The following MTREX variants were observed in gnomAD, a reference collection of about 807,000 sequenced individuals.
The protein encoded by MTREX is Mtr4 exosome RNA helicase.
A neutral mutation model predicts 135.4 loss-of-function variants in MTREX; 76 were observed. The ratio of observed to expected loss-of-function variants is 0.56; its 90% CI spans 0.47 to 0.68. MTREX has a LOEUF of 0.68. Among genes scored for constraint, MTREX ranks in the 30% least tolerant of loss-of-function variants. The pLI, the probability that MTREX is intolerant of heterozygous loss-of-function variation, is 0.00. For synonymous variants in MTREX, 404 were observed against 401.6 expected (o/e 1.01, Z -0.07); for missense variants, 920 against 1,262.1 (o/e 0.73, Z 4.11).
intron 20 of MTREX, among the ~76,000 whole-genome samples, chr5:55,397,739 AAAGGAGGACTCAC>A (rs1750668518): frequency 6.6e-6 from 1 of 152,224 alleles, no homozygotes; most frequent in African/African-American, 2.4e-5. Flanking sequence ...GTGAGTTAGT[AAAGGAGGACTCAC>A]AAGGAAAACC....
intron 23 of MTREX, among the ~76,000 whole-genome samples, chr5:55,413,772 T>C (rs1020932927): frequency 2.0e-5 from 3 of 152,214 alleles, no homozygotes; most frequent in Admixed American, 6.5e-5. Context: ...GTTTCAAACT[T>C]TTCAGTTTCT....
chr5:55,403,319 G>A (rs1450026129), intron 21 of MTREX, among the ~76,000 whole-genome samples: 1 of 151,966 alleles, frequency 6.6e-6, no homozygotes, highest in Non-Finnish European at 1.5e-5. Context: ...GGATATGTAG[G>A]GCCAACTGTA....
In MTREX at chr5:55,385,829, A is replaced by G. The variant is rs1419967152; in HGVS notation, c.2053-2145A>G. ...CACACACAAAAGACATATTTTTAAA[A>G]AATTACTTGCCTCTTTTGATCCTAA... On this transcript the variant is annotated intron_variant, in intron 18 of 26. Coordinates refer to ENST00000230640, the MANE Select transcript of MTREX (RefSeq NM_015360.5). Among the ~76,000 whole-genome samples, 3 of 152,204 alleles carry G rather than the reference A, an allele frequency of 2.0e-5. No individual in the cohort carries two copies. In the East Asian group the frequency reaches 5.8e-4, roughly 29 times the overall value.
Position 55,422,981 on chromosome 5 carries a change from A to G in MTREX, c.3075A>G (p.Glu1025=). 1 of 1,611,728 alleles carries G rather than the reference A, an allele frequency of 6.2e-7. No homozygotes were observed. The highest frequency in any genetic ancestry group is 8.5e-7 in the Non-Finnish European group (1 of 1,178,202). ...GNTELENKFA[E]GITKIKRDIV... ...CTGAGCTGGAAAATAAATTTGCAGA[A>G]GGTCAGTATCAAATGGATAAGCTGT... Residue 1025 remains glutamate (E), a splice_region_variant and synonymous_variant, in exon 26 of 27, where the codon GAA becomes GAG. Transcript: ENST00000230640.
intron 25 of MTREX, among the ~76,000 whole-genome samples, chr5:55,419,019 A>T (rs1751015417): frequency 6.6e-6 from 1 of 151,932 alleles, no homozygotes; most frequent in African/African-American, 2.4e-5. Flanking sequence ...AATTTTTGTT[A>T]ATTTTTGTAG....
intron 19 of MTREX, among the ~76,000 whole-genome samples, chr5:55,395,047 T>C (rs1579891207): frequency 7.2e-6 from 1 of 138,818 alleles, no homozygotes; most frequent in South Asian, 2.3e-4. Flanking sequence ...AAAAAAAAGA[T>C]AGTAAAGGAT....
intron 5 of MTREX, chr5:55,329,413 A>G (rs142116915): frequency 3.9e-5 from 6 of 152,058 alleles, no homozygotes; most frequent in East Asian, 3.9e-4. Context: ...GGCTCAAGCA[A>G]TCGTCCCACC....
At chr5:55,361,016 T>C (rs573906116) in intron 15 of MTREX, among the ~76,000 whole-genome samples, 2 of 152,368 alleles carry the variant, frequency 1.3e-5, no homozygotes, top group South Asian at 2.1e-4. Context: ...GAGTTTATGC[T>C]TCTAACTACT....
chr5:55,393,057 C>T (rs1750595411), intron 19 of MTREX, among the ~76,000 whole-genome samples: 1 of 152,154 alleles, frequency 6.6e-6, no homozygotes, highest in Admixed American at 6.5e-5. Flanking sequence ...GGTTCCAGCC[C>T]TATTCTCTCC....
chr5:55,398,750 CT>C (rs1457013911), intron 20 of MTREX, among the ~76,000 whole-genome samples: 1 of 152,126 alleles, frequency 6.6e-6, no homozygotes, highest in Non-Finnish European at 1.5e-5. Context: ...AAATGTCAGG[CT>C]TGTCTGTATT....
chr5:55,333,567 A>G (rs529206231), intron 5 of MTREX, among the ~76,000 whole-genome samples: 1 of 152,294 alleles, frequency 6.6e-6, no homozygotes, highest in South Asian at 2.1e-4. Context: ...TCATATAGAT[A>G]TGCTGAAACC....
chr5:55,375,531 T>C (rs1750282702), intron 16 of MTREX, among the ~76,000 whole-genome samples: 1 of 152,206 alleles, frequency 6.6e-6, no homozygotes, highest in Admixed American at 6.5e-5. Flanking sequence ...TCTTATTCCC[T>C]GAACAATTGC....
chr5:55,344,520 A>G lies in MTREX; in HGVS notation c.907-2A>G. The stretch of plus-strand genomic sequence containing the variant: ...TGTATGTTTAATTCTTTCTTTTTAC[A>G]GCCTTGTCATGTTATTTACACAGAT... On this transcript the variant is annotated splice_acceptor_variant, in intron 8 of 26. Transcript: ENST00000230640. LOFTEE classifies it high-confidence loss of function. The G allele has an allele frequency of 1.3e-6, 2 of 1,594,208 alleles. No individual in the cohort carries two copies. The highest frequency in any genetic ancestry group is 1.7e-6 in the Non-Finnish European group (2 of 1,163,044).
At chr5:55,358,745 T>C (rs188934116) in intron 15 of MTREX, 47 bp downstream of exon 15, 17 of 1,499,862 alleles carry the variant, frequency 1.1e-5, no homozygotes, top group East Asian at 2.4e-5. Context: ...TCCAGAAATA[T>C]ACTTCAGGAG....
Position 55,358,520 on chromosome 5 carries a change from T to C in MTREX, c.1534-53T>C, listed in dbSNP as rs541271322. The C allele has an allele frequency of 1.6e-5, 23 of 1,444,046 alleles. No individual in the cohort carries two copies. The African/African-American group carries it at 2.5e-4, about 15-fold the overall frequency. The allele number at this position is 1,444,046 out of a possible 1,614,324, so 89.5% of individuals were successfully genotyped here. On this transcript the variant is annotated intron_variant, in intron 14 of 26. Transcript: ENST00000230640. The stretch of plus-strand genomic sequence containing the variant: ...TATAAAAAGAGAAATTTTAAGAATA[T>C]GTTTTTTACCAGTTTTTTTCCTAAA...
intron 3 of MTREX, among the ~76,000 whole-genome samples, chr5:55,326,866 A>G (rs886827350): frequency 6.6e-6 from 1 of 151,582 alleles, no homozygotes; most frequent in African/African-American, 2.4e-5. Flanking sequence ...ACCTCTCTAC[A>G]GGCCCCGGTT....
intron 15 of MTREX, among the ~76,000 whole-genome samples, chr5:55,359,466 G>A (rs960292583): frequency 3.3e-5 from 5 of 152,112 alleles, no homozygotes; most frequent in African/African-American, 1.2e-4. Flanking sequence ...TTTAGACTTG[G>A]GAACTTTGTG....
At chr5:55,321,831 A>C (rs1184653237) in intron 1 of MTREX, among the ~76,000 whole-genome samples, 1 of 151,632 alleles carries the variant, frequency 6.6e-6, no homozygotes, top group Non-Finnish European at 1.5e-5. Flanking sequence ...CTGGTCTCTA[A>C]CTCCCGACCT....
intron 15 of MTREX, among the ~76,000 whole-genome samples, chr5:55,364,429 T>G (rs12516644): frequency 0.058 from 8,776 of 152,270 alleles, 450 homozygotes; most frequent in Admixed American, 0.11. Context: ...ATGTATTATG[T>G]TATTTTCCAT....
Sources: gnomAD v4.1 joint callset for allele counts (sites outside exome capture counted in the v4.1 genomes callset) on GRCh38, gnomAD v4.1.1 for gene constraint, MANE v1.5 for transcripts, NCBI Gene and HGNC (gene_info 2026-07-23, HGNC 2026-07-21) for gene names.